KRABD3: variants seen among roughly 807,000 people sequenced by gnomAD.
KRABD3 encodes KRAB domain-containing protein 3.
the KRABD3 span, chr7:149,733,527 C>A: frequency 6.3e-7 from 1 of 1,595,518 alleles, no homozygotes; most frequent in East Asian, 2.3e-5. Context: ...TGGACCCTCC[C>A]ACGGGGACCT....
At chr7:149,730,692 C>T in the KRABD3 span, 3 of 1,251,360 alleles carry the variant, frequency 2.4e-6, no homozygotes, top group Non-Finnish European at 3.3e-6. Flanking sequence ...TGCACATTGG[C>T]CGTGCTTTAG....
chr7:149,731,764 C>T, the KRABD3 span: 4 of 1,609,816 alleles, frequency 2.5e-6, no homozygotes, highest in East Asian at 6.7e-5. Context: ...ACATGGAAGA[C>T]CCAGAGTTGC....
the KRABD3 span, chr7:149,730,600 T>A: frequency 1.7e-3 from 2,735 of 1,602,584 alleles, 37 homozygotes; most frequent in South Asian, 0.013. Context: ...GGGGCGCCCA[T>A]GCGTTCCCCA....
At chr7:149,728,703 G>T in the KRABD3 span, 1 of 1,609,668 alleles carries the variant, frequency 6.2e-7, no homozygotes, top group Non-Finnish European at 8.5e-7. Flanking sequence ...GGCCCTGGGT[G>T]TAGACAGGGC....
chr7:149,729,587 T>C, the KRABD3 span: 1 of 985,428 alleles, frequency 1.0e-6, no homozygotes, highest in Non-Finnish European at 1.2e-6. Flanking sequence ...AGATCATTGT[T>C]TGTGTCCATC....
the KRABD3 span, chr7:149,723,077 C>A: frequency 1.2e-6 from 1 of 826,516 alleles, no homozygotes. Flanking sequence ...GCTGTGTTGC[C>A]AGTGTCACCT....
chr7:149,721,085 G>T, the KRABD3 span: 47 of 1,467,480 alleles, frequency 3.2e-5, no homozygotes, highest in Non-Finnish European at 3.9e-5. Flanking sequence ...GGGCTTGCAG[G>T]CACAGGCCGG....
At chr7:149,721,597 A>G in the KRABD3 span, 1 of 1,551,546 alleles carries the variant, frequency 6.4e-7, no homozygotes, top group Non-Finnish European at 8.8e-7. Flanking sequence ...TCGTGGCGTC[A>G]GAGGACCTGG....
the KRABD3 span, chr7:149,723,477 A>C: frequency 2.0e-6 from 1 of 498,150 alleles, no homozygotes; most frequent in East Asian, 3.3e-5. Flanking sequence ...AGTGACCCTG[A>C]CAGCCCACTT....
the KRABD3 span, among the ~76,000 whole-genome samples, chr7:149,727,794 G>A: frequency 1.3e-5 from 2 of 152,162 alleles, no homozygotes; most frequent in Admixed American, 1.3e-4. Flanking sequence ...CTCAGCGAAC[G>A]TGCTGTGGAG....
the KRABD3 span, chr7:149,730,062 G>T: frequency 7.0e-7 from 1 of 1,419,140 alleles, no homozygotes; most frequent in Non-Finnish European, 9.2e-7. Flanking sequence ...CTGAAAAGGG[G>T]ACCGGTTCTG....
the KRABD3 span, chr7:149,721,647 C>G: frequency 8.5e-7 from 1 of 1,180,594 alleles, no homozygotes; most frequent in Non-Finnish European, 1.2e-6. Context: ...ACTCAGTTCC[C>G]CTGTTGTGCT....
At chr7:149,721,603 C>G in the KRABD3 span, 1 of 1,524,416 alleles carries the variant, frequency 6.6e-7, no homozygotes, top group Non-Finnish European at 8.9e-7. Flanking sequence ...CGTCAGAGGA[C>G]CTGGACCCTG....
At chr7:149,723,494 A>G in the KRABD3 span, 120 of 517,154 alleles carry the variant, frequency 2.3e-4, 2 homozygotes, top group South Asian at 5.3e-4. Context: ...ACTTCCTTCA[A>G]TTTGTCCTCA....
chr7:149,723,926 C>A, the KRABD3 span: 1 of 1,607,638 alleles, frequency 6.2e-7, no homozygotes, highest in South Asian at 1.1e-5. Flanking sequence ...GGCCCCCAGA[C>A]ATCCTACATT....
chr7:149,720,380 A>T, the KRABD3 span, among the ~76,000 whole-genome samples: 1 of 152,184 alleles, frequency 6.6e-6, no homozygotes, highest in Non-Finnish European at 1.5e-5. Flanking sequence ...CTGAAGCCTT[A>T]TCACAGCCAC....
chr7:149,730,758 G>A, the KRABD3 span: 2 of 711,280 alleles, frequency 2.8e-6, no homozygotes, highest in East Asian at 5.5e-5. Flanking sequence ...GGGGGTGCTG[G>A]TGAGCAGCTG....
the KRABD3 span, chr7:149,720,799 CA>C: frequency 1.9e-6 from 3 of 1,550,260 alleles, no homozygotes; most frequent in African/African-American, 2.7e-5. Context: ...TGAGCAGCCG[CA>C]GGGGTGCGGG....
the KRABD3 span, chr7:149,719,708 C>A: frequency 1.3e-6 from 2 of 1,580,026 alleles, no homozygotes; most frequent in Non-Finnish European, 1.7e-6. This position sits in a 1 kb window ranked among gnomAD's most constrained non-coding sequence, Gnocchi z 5.6. Context: ...GTGGCAGGAG[C>A]CTGGTGGGCG....
Sources: gnomAD v4.1 joint callset for allele counts (sites outside exome capture counted in the v4.1 genomes callset) on GRCh38, gnomAD v4.1.1 for gene constraint, Gnocchi (gnomAD v3.1) non-coding constraint, MANE v1.5 for transcripts, NCBI Gene and HGNC (gene_info 2026-07-23, HGNC 2026-07-21) for gene names.